HORMAD2: variants seen among roughly 807,000 people sequenced by gnomAD.
HORMAD2 encodes the protein HORMA domain-containing protein 2.
HORMAD2 carries 45 observed loss-of-function variants against 38.8 expected under a neutral mutation model. That is an observed-to-expected ratio of 1.16 (90% CI 0.91 to 1.49). HORMAD2 has a LOEUF of 1.49. Among genes scored for constraint, HORMAD2 ranks in the 40% most tolerant of loss-of-function variants. The pLI, the probability that HORMAD2 is intolerant of heterozygous loss-of-function variation, is 0.00. For missense variants in HORMAD2, 338 were observed against 367.0 expected, an observed-to-expected ratio of 0.92 and a Z score of 0.65; for synonymous variants, 126 against 122.8, an observed-to-expected ratio of 1.03 and a Z score of -0.17.
chr22:30,095,027 A>G (rs1433598360), intron 2 of HORMAD2, among the ~76,000 whole-genome samples: 2 of 152,086 alleles, frequency 1.3e-5, no homozygotes, highest in Non-Finnish European at 2.9e-5. Context: ...CCTAGAAACT[A>G]CATGCTTTCC....
intron 10 of HORMAD2, among the ~76,000 whole-genome samples, chr22:30,138,826 A>G (rs1450977475): frequency 6.6e-6 from 1 of 152,156 alleles, no homozygotes; most frequent in Admixed American, 6.6e-5. Flanking sequence ...TGAATTTTGT[A>G]TACTGATTTT....
chr22:30,176,351 C>T lies in HORMAD2; in HGVS notation c.*184C>T, dbSNP rs1308482800. ...CAGGTAGGACGCGAGTCCACTTTGC[C>T]ATAAGGAAAGCGGGTCAATAGGGCT... is the stretch of plus-strand genomic sequence containing the variant. On this transcript the variant is annotated 3_prime_UTR_variant, in exon 11 of 11. Transcript: ENST00000336726. 3.7e-6 allele frequency: 2 copies of T among 546,342 alleles called. No individual in the cohort carries two copies. Among genetic ancestry groups the T allele is most frequent in the Non-Finnish European group, 6.5e-6 (2 of 307,274 alleles). The allele number at this position is 546,342 out of a possible 1,614,324, so 33.8% of individuals were successfully genotyped here. A position where few individuals can be genotyped will look rare whatever the true frequency, so the allele number is the denominator to read the frequency against.
the HORMAD2 span, among the ~76,000 whole-genome samples, chr22:30,190,131 T>TG: frequency 6.6e-6 from 1 of 152,154 alleles, no homozygotes; most frequent in Non-Finnish European, 1.5e-5. Context: ...ACCTGTGAAA[T>TG]GGGGATAATC....
the HORMAD2 span, among the ~76,000 whole-genome samples, chr22:30,191,785 G>A: frequency 3.3e-5 from 5 of 152,252 alleles, no homozygotes; most frequent in South Asian, 6.2e-4. Flanking sequence ...TATTTTGCTT[G>A]TAGCTCTGAA....
chr22:30,123,709 G>A (rs2146134044), intron 10 of HORMAD2, among the ~76,000 whole-genome samples: 1 of 150,828 alleles, frequency 6.6e-6, no homozygotes, highest in South Asian at 2.1e-4. Context: ...TGTTGTCCAG[G>A]CTTGAGTGCT....
At chr22:30,151,963 A>C (rs893974697) in intron 10 of HORMAD2, among the ~76,000 whole-genome samples, 1 of 152,110 alleles carries the variant, frequency 6.6e-6, no homozygotes, top group Admixed American at 6.5e-5. Context: ...GTAGAAATAA[A>C]AGCCTTCAGA....
At position 30,169,352 on chromosome 22, in the gene HORMAD2, A is replaced by G. The variant is rs191266549; in HGVS notation, c.820-6711A>G. Among the ~76,000 whole-genome samples, 722 of 152,222 alleles carry G rather than the reference A, an allele frequency of 4.7e-3. 4 individuals carry two copies. The highest frequency in any genetic ancestry group is 0.01 in the Middle Eastern group (3 of 292). On this transcript the variant is annotated intron_variant, in intron 10 of 10. Transcript: ENST00000336726. The stretch of plus-strand genomic sequence containing the variant: ...AATGTCTGGCACAGAGAAGGTGCCC[A>G]AAAAAAATTTATCAAATAAATGAAT...
chr22:30,111,152 C>CAAAA (rs548430920), intron 5 of HORMAD2, among the ~76,000 whole-genome samples: 3 of 82,966 alleles, frequency 3.6e-5, no homozygotes, highest in Admixed American at 1.2e-4. Context: ...AAGACTCTGT[C>CAAAA]AAAAAAAAAA....
chr22:30,175,477 A>G (rs1465568714), intron 10 of HORMAD2, among the ~76,000 whole-genome samples: 1 of 151,348 alleles, frequency 6.6e-6, no homozygotes, highest in Non-Finnish European at 1.5e-5. Context: ...ATTATAATAT[A>G]TCTAATTGTT....
intron 3 of HORMAD2, among the ~76,000 whole-genome samples, chr22:30,099,309 G>T (rs1046613149): frequency 6.6e-6 from 1 of 152,132 alleles, no homozygotes; most frequent in East Asian, 1.9e-4. Context: ...TGCCTCAATT[G>T]AATTTATTCT....
intron 3 of HORMAD2, among the ~76,000 whole-genome samples, chr22:30,099,652 C>T (rs1190172485): frequency 3.3e-5 from 5 of 152,064 alleles, no homozygotes; most frequent in African/African-American, 7.2e-5. Context: ...TTTGGGAGGC[C>T]GAGGCGAGTG....
intron 10 of HORMAD2, among the ~76,000 whole-genome samples, chr22:30,144,981 G>C (rs192464595): frequency 2.4e-4 from 37 of 152,264 alleles, no homozygotes; most frequent in African/African-American, 8.7e-4. Context: ...ATCTATAATG[G>C]AATGGAGTGG....
intron 3 of HORMAD2, among the ~76,000 whole-genome samples, chr22:30,099,770 C>T (rs1920930804): frequency 6.6e-6 from 1 of 152,146 alleles, no homozygotes; most frequent in South Asian, 2.1e-4. Context: ...ACCTGTAATC[C>T]CAGCTACTTG....
At chr22:30,095,936 AG>A (rs2068774024) in intron 2 of HORMAD2, among the ~76,000 whole-genome samples, 1 of 152,162 alleles carries the variant, frequency 6.6e-6, no homozygotes, top group Non-Finnish European at 1.5e-5. Flanking sequence ...GCTGTCTTCT[AG>A]TTATTATTAC....
intron 1 of HORMAD2, among the ~76,000 whole-genome samples, chr22:30,084,573 G>A (rs1479662818): frequency 6.6e-6 from 1 of 151,924 alleles, no homozygotes; most frequent in Admixed American, 6.6e-5. Context: ...ATTATTCCTT[G>A]TTCCTATAGT....
At chr22:30,199,995 C>A in the HORMAD2 span, among the ~76,000 whole-genome samples, 20 of 152,152 alleles carry the variant, frequency 1.3e-4, no homozygotes, top group African/African-American at 4.6e-4. Context: ...CAGCTCATGG[C>A]AACCTCTGCC....
chr22:30,139,463 A>T (rs1051702588), intron 10 of HORMAD2, among the ~76,000 whole-genome samples: 2 of 151,266 alleles, frequency 1.3e-5, no homozygotes, highest in African/African-American at 4.9e-5. Context: ...TTTTTAGAAG[A>T]TTCCTGATTA....
At chr22:30,145,864 G>T (rs968356892) in intron 10 of HORMAD2, among the ~76,000 whole-genome samples, 45 of 152,034 alleles carry the variant, frequency 3.0e-4, no homozygotes, top group African/African-American at 4.1e-4. Context: ...AGAGGAGAAG[G>T]CTTCACAACT....
intron 4 of HORMAD2, among the ~76,000 whole-genome samples, chr22:30,104,143 A>G (rs1921013832): frequency 6.6e-6 from 1 of 152,196 alleles, no homozygotes; most frequent in Non-Finnish European, 1.5e-5. Flanking sequence ...TTGATAATTC[A>G]TCATATGTGT....
Sources: allele counts gnomAD v4.1 joint callset (sites outside exome capture counted in the v4.1 genomes callset), GRCh38; gene constraint gnomAD v4.1.1; transcripts MANE v1.5; gene names NCBI Gene and HGNC (gene_info 2026-07-23, HGNC 2026-07-21).